The following RFX3 variants were observed in gnomAD, a reference collection of about 807,000 sequenced individuals.
RFX3 encodes the protein regulatory factor X3, also known as transcription factor RFX3.
Under a neutral mutation model 98.6 loss-of-function variants are expected in RFX3, and 14 were observed. The observed-to-expected ratio is 0.14, with a 90% CI of 0.09 to 0.22. The LOEUF (loss-of-function observed/expected upper bound fraction) is 0.22. Among genes scored for constraint, RFX3 ranks in the 10% least tolerant of loss-of-function variants. The pLI, the probability that RFX3 is intolerant of heterozygous loss-of-function variation, is 1.00. For missense variants in RFX3, 639 were observed against 926.9 expected, an observed-to-expected ratio of 0.69 and a Z score of 4.03; for synonymous variants, 383 against 328.4, an observed-to-expected ratio of 1.17 and a Z score of -1.80.
intron 8 of RFX3, 81 bp from the exon 9 acceptor site, chr9:3,275,693 C>T (rs2131398160): frequency 3.9e-6 from 3 of 762,368 alleles, no homozygotes; most frequent in Non-Finnish European, 6.3e-6. Flanking sequence ...TTTAAGAAGA[C>T]CAAAAAGAAA....
chr9:3,345,305 T>A (rs1255382127), intron 3 of RFX3, among the ~76,000 whole-genome samples: 1 of 152,004 alleles, frequency 6.6e-6, no homozygotes, highest in Non-Finnish European at 1.5e-5. Flanking sequence ...CATAGAAGTA[T>A]GAAAGGGGAA....
At chr9:3,312,026 G>A (rs953671198) in intron 4 of RFX3, among the ~76,000 whole-genome samples, 2 of 152,144 alleles carry the variant, frequency 1.3e-5, no homozygotes, top group African/African-American at 4.8e-5. Context: ...CAGAATGTAA[G>A]GTGCAACTAA....
intron 2 of RFX3, among the ~76,000 whole-genome samples, chr9:3,382,945 T>G (rs1049424005): frequency 3.9e-5 from 6 of 152,172 alleles, no homozygotes; most frequent in African/African-American, 1.4e-4. Context: ...GATAAAACAC[T>G]AAATAAATAC....
chr9:3,246,553 G>A (rs1052308871), intron 15 of RFX3, among the ~76,000 whole-genome samples: 1 of 152,190 alleles, frequency 6.6e-6, no homozygotes, highest in African/African-American at 2.4e-5. Context: ...AGCATATGAG[G>A]TAGTGGCAAA....
intron 1 of RFX3, among the ~76,000 whole-genome samples, chr9:3,404,870 T>G (rs1400217023): frequency 6.6e-6 from 1 of 152,184 alleles, no homozygotes; most frequent in Non-Finnish European, 1.5e-5. Flanking sequence ...CCAAACTTGT[T>G]CAGAAGAGTT....
intron 16 of RFX3, among the ~76,000 whole-genome samples, chr9:3,228,071 C>T (rs1417352718): frequency 1.3e-5 from 2 of 152,188 alleles, no homozygotes; most frequent in Admixed American, 6.5e-5. Flanking sequence ...CTCCCACCCT[C>T]CGCCACCTTT....
chr9:3,400,189 C>T (rs1380870733), intron 1 of RFX3: 2 of 964,548 alleles, frequency 2.1e-6, no homozygotes, highest in Non-Finnish European at 1.2e-6. Flanking sequence ...GAAGGCCATA[C>T]AGACGCTGCA....
At chr9:3,461,433 C>T (rs10113980) in intron 1 of RFX3, among the ~76,000 whole-genome samples, 1,654 of 152,000 alleles carry the variant, frequency 0.011, 29 homozygotes, top group African/African-American at 0.038. Flanking sequence ...AGTCATCCAA[C>T]GAGGTCAAAT....
intron 2 of RFX3, among the ~76,000 whole-genome samples, chr9:3,384,863 G>T (rs184797181): frequency 6.6e-6 from 1 of 151,972 alleles, no homozygotes; most frequent in Non-Finnish European, 1.5e-5. Context: ...CTCCTCTCTC[G>T]TGCCAGGTCT....
At chr9:3,497,946 A>G (rs1851230940) in intron 1 of RFX3, among the ~76,000 whole-genome samples, 1 of 152,022 alleles carries the variant, frequency 6.6e-6, no homozygotes, top group East Asian at 1.9e-4. Context: ...TATAACTGCC[A>G]CTTTAACAAT....
At chr9:3,241,025 C>A (rs537872087) in intron 15 of RFX3, among the ~76,000 whole-genome samples, 2 of 152,326 alleles carry the variant, frequency 1.3e-5, no homozygotes, top group African/African-American at 4.8e-5. Flanking sequence ...TTCCTGATGT[C>A]TACAGTGACC....
chr9:3,317,355 T>C (rs1353984621), intron 4 of RFX3, among the ~76,000 whole-genome samples: 4 of 152,306 alleles, frequency 2.6e-5, no homozygotes, highest in South Asian at 2.1e-4. Context: ...TTACACCTTA[T>C]GCAAAAATTA....
intron 2 of RFX3, among the ~76,000 whole-genome samples, chr9:3,389,174 T>G (rs958808758): frequency 6.6e-6 from 1 of 152,154 alleles, no homozygotes; most frequent in Non-Finnish European, 1.5e-5. Context: ...GGCCATGGAA[T>G]AGTAGGAAGA....
chr9:3,370,367 T>C (rs902128808), intron 2 of RFX3, among the ~76,000 whole-genome samples: 6 of 151,826 alleles, frequency 4.0e-5, no homozygotes, highest in Non-Finnish European at 7.4e-5. Context: ...TTTCCAACCA[T>C]AGTATCAATA....
At chr9:3,292,312 G>A (rs907309033) in intron 6 of RFX3, among the ~76,000 whole-genome samples, 2 of 152,022 alleles carry the variant, frequency 1.3e-5, no homozygotes, top group East Asian at 3.9e-4. Context: ...TGAAGCCCCA[G>A]AGTTCTAAGT....
intron 15 of RFX3, chr9:3,247,798 G>A (rs770196841): frequency 1.2e-6 from 2 of 1,605,062 alleles, no homozygotes; most frequent in African/African-American, 1.3e-5. Flanking sequence ...ATAATATAGA[G>A]ACACATTCCA....
chr9:3,419,760 T>G (rs1212682979), intron 1 of RFX3, among the ~76,000 whole-genome samples: 1 of 152,228 alleles, frequency 6.6e-6, no homozygotes, highest in African/African-American at 2.4e-5. Flanking sequence ...ACACTGTATT[T>G]TTCATTTTTT....
chr9:3,340,932 C>T (rs1318021024), intron 3 of RFX3, among the ~76,000 whole-genome samples: 1 of 152,308 alleles, frequency 6.6e-6, no homozygotes, highest in East Asian at 1.9e-4. Flanking sequence ...ATAAATCATG[C>T]TGCTATAAAG....
At chr9:3,416,180 T>C (rs1339364830) in intron 1 of RFX3, among the ~76,000 whole-genome samples, 1 of 152,194 alleles carries the variant, frequency 6.6e-6, no homozygotes, top group Non-Finnish European at 1.5e-5. Flanking sequence ...CTAGGTGCTT[T>C]ATAAATACTA....
Sources: gnomAD v4.1 joint callset for allele counts (sites outside exome capture counted in the v4.1 genomes callset) on GRCh38, gnomAD v4.1.1 for gene constraint, MANE v1.5 for transcripts, NCBI Gene and HGNC (gene_info 2026-07-23, HGNC 2026-07-21) for gene names.